The following SP1 variants were observed in gnomAD, a reference collection of about 807,000 sequenced individuals.
SP1 encodes transcription factor Sp1.
SP1 carries 6 observed loss-of-function variants against 66.3 expected under a neutral mutation model. The observed-to-expected ratio is 0.09, with a 90% confidence interval of 0.05 to 0.18. SP1 has a LOEUF of 0.18. Ranked by LOEUF, SP1 falls within the 10% of genes least tolerant of loss-of-function variation. SP1 has a pLI of 1.00. For synonymous variants in SP1, 417 were observed against 360.8 expected, an observed-to-expected ratio of 1.16 and a Z score of -1.77; for missense variants, 848 against 964.5, an observed-to-expected ratio of 0.88 and a Z score of 1.60.
chr12:53,399,392 G>T (rs1036689688), intron 3 of SP1, among the ~76,000 whole-genome samples: 2 of 151,924 alleles, frequency 1.3e-5, no homozygotes, highest in African/African-American at 4.8e-5. Flanking sequence ...GGAGTGCAGT[G>T]GCGCGATCTC....
chr12:53,410,553 G>A (rs1003912471), intron 5 of SP1, among the ~76,000 whole-genome samples: 2 of 151,612 alleles, frequency 1.3e-5, no homozygotes, highest in African/African-American at 4.8e-5. Flanking sequence ...CGCCCAGGCT[G>A]GAGTGCAGTG....
chr12:53,407,036 G>T (rs542932027), intron 4 of SP1, among the ~76,000 whole-genome samples: 1 of 152,022 alleles, frequency 6.6e-6, no homozygotes, highest in African/African-American at 2.4e-5. Flanking sequence ...GTGTTACCCA[G>T]GATGGTCTCG....
intron 1 of SP1, 51 bp from the exon 2 acceptor site, chr12:53,381,608 C>G (rs370088289): frequency 3.0e-5 from 45 of 1,516,052 alleles, no homozygotes; most frequent in Non-Finnish European, 3.4e-5. Context: ...CTTCCTACTT[C>G]ATTTCTTTTC....
At chr12:53,410,779 C>T in intron 5 of SP1, 148 bp from the exon 6 acceptor site, 2 of 675,310 alleles carry the variant, frequency 3.0e-6, no homozygotes, top group Admixed American at 5.0e-5. Flanking sequence ...AAGCGTGAGC[C>T]ACCACGCCCA....
At position 53,389,564 on chromosome 12, in the gene SP1, C is replaced by T. The variant is rs535673076; in HGVS notation, c.1675+5942C>T. Reference sequence around the variant, plus strand: ...GTTTCACCATGTTGGCCAGGATGGTCTCGATCTCCTGGCCTCCCAAAATGC... The same window carrying T: ...GTTTCACCATGTTGGCCAGGATGGTTTCGATCTCCTGGCCTCCCAAAATGC... On this transcript the variant is annotated intron_variant, in intron 3 of 5. Coordinates refer to ENST00000327443, the MANE Select transcript of SP1 (RefSeq NM_138473.3). Among the ~76,000 whole-genome samples the T allele has an allele frequency of 2.6e-5, 4 of 152,018 alleles. No individual in the cohort carries two copies. In the East Asian group the frequency reaches 7.7e-4, roughly 29 times the overall value.
rs1431219593 is a variant in SP1 at position 53,382,722 on chromosome 12, G to A, written c.775G>A (p.Ala259Thr). 1 of 1,614,136 alleles carries A rather than the reference G, an allele frequency of 6.2e-7. No homozygotes were observed. Among genetic ancestry groups the A allele is most frequent in the East Asian group, 2.2e-5 (1 of 44,888 alleles). Residue 259 changes from alanine (A) to threonine (T), a missense_variant, in exon 3 of 6, where the codon GCC becomes ACC. Physicochemically the swap from Ala to Thr is moderately conservative, Grantham distance 58. Around this residue, in one of 7 missense-constraint regions of SP1, gnomAD observed 606 missense variants for 589.9 expected, o/e 1.03. Transcript: ENST00000327443. ...QTQYVTNVPV[A>T]LNGNITLLPV... ...TCAGTATGTGACCAATGTACCAGTG[G>A]CCCTGAATGGGAACATCACCTTGCT...
intron 3 of SP1, among the ~76,000 whole-genome samples, chr12:53,387,847 G>T (rs1050137358): frequency 6.6e-6 from 1 of 151,990 alleles, no homozygotes; most frequent in African/African-American, 2.4e-5. Context: ...TTAGCTGGGC[G>T]TGGTGGTGGG....
intron 3 of SP1, among the ~76,000 whole-genome samples, chr12:53,389,569 TCTC>T (rs1938305495): frequency 6.6e-6 from 1 of 152,046 alleles, no homozygotes; most frequent in Non-Finnish European, 1.5e-5. Context: ...ATGGTCTCGA[TCTC>T]CTGGCCTCCC....
rs1565807612 is a variant in SP1, at chr12:53,383,497, CTG to C, written c.1553_1554del (p.Val518GlufsTer15). 1 of 1,614,230 alleles carries C rather than the reference CTG, an allele frequency of 6.2e-7. No homozygotes were observed. Among genetic ancestry groups the C allele is most frequent in the Non-Finnish European group, 8.5e-7 (1 of 1,180,048 alleles). On this transcript the variant is annotated frameshift_variant, in exon 3 of 6. Transcript: ENST00000327443. LOFTEE classifies it high-confidence loss of function. Reference sequence around the variant, plus strand: ...GCTTCCATTCCTGCTGGCACAGTCACTGTGAATGCTGCTCAACTCTCCTCCAT... The same window carrying C: ...GCTTCCATTCCTGCTGGCACAGTCACTGAATGCTGCTCAACTCTCCTCCAT...
chr12:53,388,977 C>CAAAAA (rs59161932), intron 3 of SP1, among the ~76,000 whole-genome samples: 1 of 140,116 alleles, frequency 7.1e-6, no homozygotes, highest in Non-Finnish European at 1.5e-5. Context: ...GAGTCCCTGT[C>CAAAAA]AAAAAAAAAA....
At chr12:53,390,240 C>T (rs1222233471) in intron 3 of SP1, among the ~76,000 whole-genome samples, 1 of 151,906 alleles carries the variant, frequency 6.6e-6, no homozygotes, top group East Asian at 1.9e-4. Context: ...TTTGTCTTTC[C>T]CTAGTATTAT....
At chr12:53,400,017 C>T (rs1188603219) in intron 3 of SP1, among the ~76,000 whole-genome samples, 1 of 152,168 alleles carries the variant, frequency 6.6e-6, no homozygotes. Context: ...ACCTCCTGGG[C>T]CTCCCAAAGT....
rs1262193261 is a variant in SP1 at position 53,387,770 on chromosome 12, G to A, written c.1675+4148G>A. 4.6e-5 allele frequency among the ~76,000 whole-genome samples: 7 copies of A among 152,238 alleles called. 1 individual carries two copies. Among genetic ancestry groups the A allele is most frequent in the Admixed American group, 3.9e-4 (6 of 15,272 alleles). Reference sequence around the variant, plus strand: ...GGAGACTGAGACAGGCGGATCATGAGGTCAGGAGATCAAGACCATCCTGGC... The same window carrying A: ...GGAGACTGAGACAGGCGGATCATGAAGTCAGGAGATCAAGACCATCCTGGC... On this transcript the variant is annotated intron_variant, in intron 3 of 5. Transcript: ENST00000327443.
intron 3 of SP1, among the ~76,000 whole-genome samples, chr12:53,398,314 G>T (rs1488899654): frequency 6.6e-6 from 1 of 151,938 alleles, no homozygotes; most frequent in Non-Finnish European, 1.5e-5. Flanking sequence ...ACAGAGTCTC[G>T]CTCTGTCTCC....
At chr12:53,390,096 G>T (rs973393450) in intron 3 of SP1, among the ~76,000 whole-genome samples, 1 of 152,088 alleles carries the variant, frequency 6.6e-6, no homozygotes, top group Non-Finnish European at 1.5e-5. Flanking sequence ...AGTACATTTG[G>T]ACATTAATGA....
At chr12:53,408,247 A>G (rs1191317558) in intron 4 of SP1, among the ~76,000 whole-genome samples, 1 of 140,622 alleles carries the variant, frequency 7.1e-6, no homozygotes, top group African/African-American at 2.6e-5. Context: ...CTCTGTCTCA[A>G]AAAAAAAAAA....
At chr12:53,409,250 A>G in intron 4 of SP1, 112 bp from the exon 5 acceptor site, 2 of 878,422 alleles carry the variant, frequency 2.3e-6, no homozygotes, top group Non-Finnish European at 3.5e-6. Context: ...GACTTTTTCA[A>G]AAAATAAAAG....
intron 3 of SP1, 75 bp downstream of exon 3, chr12:53,383,697 G>GA: frequency 8.3e-7 from 1 of 1,198,676 alleles, no homozygotes; most frequent in Non-Finnish European, 1.2e-6. Flanking sequence ...CTAAAGAAAG[G>GA]AATAGAGCCT....
rs767159984 is a variant in SP1, at chr12:53,383,375, C to G, written c.1428C>G (p.Asn476Lys). The change falls in exon 3 of 6, where the codon AAC becomes AAG. Residue 476 changes from asparagine to lysine, a missense_variant. Physicochemically the swap from Asn to Lys is moderately conservative, Grantham distance 94. Coordinates refer to ENST00000327443, the MANE Select transcript of SP1 (RefSeq NM_138473.3). ...TLQLQNLQVQ[N>K]PQAQTITLAP... ...AGCTGCAGAACCTCCAAGTTCAGAA[C>G]CCACAAGCCCAAACAATCACCTTAG... The G allele has an allele frequency of 1.7e-5, 28 of 1,614,100 alleles. No homozygotes were observed. Among genetic ancestry groups the G allele is most frequent in the African/African-American group, 2.7e-5 (2 of 74,936 alleles).
Sources: gnomAD v4.1 joint callset for allele counts (sites outside exome capture counted in the v4.1 genomes callset) on GRCh38, gnomAD v4.1.1 for gene constraint, gnomAD v4.1.1 regional missense constraint, MANE v1.5 for transcripts, NCBI Gene and HGNC (gene_info 2026-07-23, HGNC 2026-07-21) for gene names.